Variants in GRAMD4 observed in about 807,000 individuals in gnomAD.
The protein encoded by GRAMD4 is GRAM domain-containing protein 4.
GRAMD4 carries 25 observed loss-of-function variants against 83.9 expected under a neutral mutation model. That is an observed-to-expected ratio of 0.30 (90% CI 0.22 to 0.42). The LOEUF (loss-of-function observed/expected upper bound fraction) is 0.42, where lower values mean the gene tolerates loss of function less well. Ranked by LOEUF, GRAMD4 falls within the 10% of genes least tolerant of loss-of-function variation. The pLI is 1.00. For missense variants in GRAMD4, 593 were observed against 788.7 expected, an observed-to-expected ratio of 0.75 and a Z score of 2.97; for synonymous variants, 336 against 320.9, an observed-to-expected ratio of 1.05 and a Z score of -0.50.
chr22:46,591,184 T>C (rs891851018), intron 1 of GRAMD4, among the ~76,000 whole-genome samples: 5 of 152,132 alleles, frequency 3.3e-5, no homozygotes, highest in African/African-American at 1.2e-4. Flanking sequence ...GATAGTGAAA[T>C]CTCTCGTTAT....
chr22:46,605,344 G>A (rs949318447), intron 1 of GRAMD4, among the ~76,000 whole-genome samples: 3 of 152,324 alleles, frequency 2.0e-5, no homozygotes, highest in South Asian at 2.1e-4. Flanking sequence ...TTGCTTATTC[G>A]TTCATCTGTT....
chr22:46,612,206 C>T (rs1403079843), intron 1 of GRAMD4, among the ~76,000 whole-genome samples: 1 of 151,896 alleles, frequency 6.6e-6, no homozygotes, highest in Non-Finnish European at 1.5e-5. Context: ...GGGGTCTTGC[C>T]GTGTTGTCTG....
chr22:46,612,893 T>G (rs2081431783), intron 1 of GRAMD4, among the ~76,000 whole-genome samples: 1 of 152,212 alleles, frequency 6.6e-6, no homozygotes, highest in Non-Finnish European at 1.5e-5. Context: ...TTGTGTTCTG[T>G]GTGCCATGGT....
chr22:46,628,149 C>CGACA (rs933849937), intron 2 of GRAMD4, among the ~76,000 whole-genome samples: 16 of 152,330 alleles, frequency 1.1e-4, no homozygotes, highest in Admixed American at 1.0e-3. Context: ...ATCTCCCTCC[C>CGACA]GACACATACA....
Position 46,672,746 on chromosome 22 carries a change from C to G in GRAMD4, c.1085-97C>G. ...ACATCCAGGCTCAGGGTGGAGGGTG[C>G]CAATCTGGGAGGTGGGAGGTGCCGG... is the stretch of plus-strand genomic sequence containing the variant. On this transcript the variant is annotated intron_variant, in intron 13 of 18. Transcript: ENST00000406902. The surrounding 1 kb of genome is among the most constrained non-coding windows in gnomAD (Gnocchi z 4.7). The G allele has an allele frequency of 3.2e-6, 3 of 931,720 alleles. No homozygotes were observed. The highest frequency in any genetic ancestry group is 4.1e-5 in the Admixed American group (2 of 48,882). The allele number at this position is 931,720 out of a possible 1,614,324, so 57.7% of individuals were successfully genotyped here. A position where few individuals can be genotyped will look rare whatever the true frequency, so the allele number is the denominator to read the frequency against.
At chr22:46,595,085 C>T (rs896151422) in intron 1 of GRAMD4, among the ~76,000 whole-genome samples, 4 of 152,094 alleles carry the variant, frequency 2.6e-5, no homozygotes, top group South Asian at 2.1e-4. Flanking sequence ...AAGTTGGGTC[C>T]GCATCCCAGC....
At chr22:46,588,246 G>C (rs2081170711) in intron 1 of GRAMD4, among the ~76,000 whole-genome samples, 1 of 151,980 alleles carries the variant, frequency 6.6e-6, no homozygotes, top group African/African-American at 2.4e-5. Context: ...CCCAGTGACT[G>C]CCCAGCGTCC....
rs367971329 is a variant in GRAMD4, at chr22:46,662,898, T to G, written c.467-142T>G. 206 of 709,778 alleles carry G rather than the reference T, an allele frequency of 2.9e-4. 1 individual carries two copies. The African/African-American group carries it at 3.3e-3, about 11-fold the overall frequency. 44.0% of individuals were successfully genotyped at this position (709,778 alleles called of 1,614,324 possible). ...CTTGTACAGGGACCCTTCATTTCCC[T>G]GACCTACCCCCGAGCATTCCTTGTG... On this transcript the variant is annotated intron_variant, in intron 5 of 18. Transcript: ENST00000406902.
At position 46,668,792 on chromosome 22, in the gene GRAMD4, C is replaced by T. The variant is rs761387579; in HGVS notation, c.975-7C>T. Reference sequence around the variant, plus strand: ...CCGCCCGGCCTGAGCCTCCCGTCTCCTTCCAGCTTGTTCATGTGGGTCCAG... The same window carrying T: ...CCGCCCGGCCTGAGCCTCCCGTCTCTTTCCAGCTTGTTCATGTGGGTCCAG... On this transcript the variant is annotated splice_polypyrimidine_tract_variant and splice_region_variant and intron_variant, in intron 12 of 18. Coordinates refer to ENST00000406902, the MANE Select transcript of GRAMD4 (RefSeq NM_015124.5). 57 of 1,438,480 alleles carry T rather than the reference C, an allele frequency of 4.0e-5. No homozygotes were observed. Among genetic ancestry groups the T allele is most frequent in the Non-Finnish European group, 5.0e-5 (54 of 1,069,530 alleles). The allele number at this position is 1,438,480 out of a possible 1,614,324, so 89.1% of individuals were successfully genotyped here.
At chr22:46,577,461 C>T (rs1353092530) in intron 1 of GRAMD4, among the ~76,000 whole-genome samples, 1 of 149,180 alleles carries the variant, frequency 6.7e-6, no homozygotes, top group Non-Finnish European at 1.5e-5. Flanking sequence ...TGCGCGGGCG[C>T]GCCCCGCACA....
intron 1 of GRAMD4, among the ~76,000 whole-genome samples, chr22:46,624,733 C>T (rs1400068111): frequency 1.3e-5 from 2 of 152,218 alleles, no homozygotes; most frequent in Admixed American, 1.3e-4. Context: ...CTGGCTCATG[C>T]TCCCTCAGCC....
At chr22:46,617,173 C>T (rs2081514002), upstream of GRAMD4, among the ~76,000 whole-genome samples, 1 of 149,048 alleles carries the variant, frequency 6.7e-6, no homozygotes, top group Admixed American at 6.6e-5. Flanking sequence ...TGTAGGTTCC[C>T]CTGTGCGTGT....
intron 13 of GRAMD4, among the ~76,000 whole-genome samples, chr22:46,671,320 A>C (rs186411389): frequency 6.6e-6 from 1 of 152,232 alleles, no homozygotes; most frequent in Admixed American, 6.5e-5. Flanking sequence ...AGGCGGGTGA[A>C]TCACTTGAGG....
intron 3 of GRAMD4, among the ~76,000 whole-genome samples, chr22:46,657,368 C>A (rs577079096): frequency 2.0e-5 from 3 of 152,324 alleles, no homozygotes; most frequent in Non-Finnish European, 2.9e-5. Flanking sequence ...GGTGACCCAG[C>A]GGTGTTGGTT....
chr22:46,646,579 C>T (rs1290533259), intron 3 of GRAMD4, among the ~76,000 whole-genome samples: 1 of 152,198 alleles, frequency 6.6e-6, no homozygotes, highest in East Asian at 1.9e-4. Flanking sequence ...GCTGCCAGCT[C>T]CCTGCTGGCG....
At chr22:46,617,180 G>A (rs1168150662), upstream of GRAMD4, among the ~76,000 whole-genome samples, 8 of 147,812 alleles carry the variant, frequency 5.4e-5, no homozygotes, top group South Asian at 6.5e-4. Flanking sequence ...TCCCCTGTGC[G>A]TGTAGGTTCC....
In GRAMD4 at chr22:46,578,881, C is replaced by T. The variant is rs564977391; in HGVS notation, c.-50+1591C>T. Among the ~76,000 whole-genome samples, 5 of 152,314 alleles carry T rather than the reference C, an allele frequency of 3.3e-5. No homozygotes were observed. In the East Asian group the frequency reaches 9.7e-4, roughly 29 times the overall value. On this transcript the variant is annotated intron_variant, in intron 1 of 1. Coordinates refer to the GRAMD4 transcript ENST00000431155. The stretch of plus-strand genomic sequence containing the variant: ...CACTTTGTGGTCCCGGGGCAGACCT[C>T]GAAGCCCCACAGTCCTCACCGTGCT...
At position 46,677,357 on chromosome 22, in the gene GRAMD4, T is replaced by C. The variant is rs35748179; in HGVS notation, c.*106T>C. On this transcript the variant is annotated 3_prime_UTR_variant, in exon 19 of 19. Coordinates refer to ENST00000406902, the MANE Select transcript of GRAMD4 (RefSeq NM_015124.5). ...AACAATTGGACATCCTCATGAGCTT[T>C]TGCAATAATTCTCCTGGACCTGTGG... The C allele has an allele frequency of 0.068, 98,345 of 1,454,800 alleles. 3,945 individuals are homozygous for C. The highest frequency in any genetic ancestry group is 0.16 in the African/African-American group (10,860 of 69,774). The allele number at this position is 1,454,800 out of a possible 1,614,324, so 90.1% of individuals were successfully genotyped here. A position where few individuals can be genotyped will look rare whatever the true frequency, so the allele number is the denominator to read the frequency against.
intron 2 of GRAMD4, among the ~76,000 whole-genome samples, chr22:46,634,538 C>G (rs1034414066): frequency 6.6e-6 from 1 of 152,208 alleles, no homozygotes; most frequent in African/African-American, 2.4e-5. Flanking sequence ...CAGCCTGGTC[C>G]TTGGTCCACA....
Sources: gnomAD v4.1 joint callset for allele counts (sites outside exome capture counted in the v4.1 genomes callset) on GRCh38, gnomAD v4.1.1 for gene constraint, Gnocchi (gnomAD v3.1) non-coding constraint, MANE v1.5 for transcripts, NCBI Gene and HGNC (gene_info 2026-07-23, HGNC 2026-07-21) for gene names.